Variants in CCDC7 observed in about 807,000 individuals in gnomAD.
CCDC7 encodes coiled-coil domain-containing protein 7.
Under a neutral mutation model 196.9 loss-of-function variants are expected in CCDC7, and 183 were observed. The observed-to-expected ratio is 0.93, with a 90% CI of 0.82 to 1.05. The LOEUF (loss-of-function observed/expected upper bound fraction) is 1.05, where lower values mean the gene tolerates loss of function less well. Among genes scored for constraint, CCDC7 ranks in the 50% least tolerant of loss-of-function variants. The pLI, the probability that CCDC7 is intolerant of heterozygous loss-of-function variation, is 0.00. For synonymous variants in CCDC7, 525 were observed against 484.6 expected, an observed-to-expected ratio of 1.08 and a Z score of -1.10; for missense variants, 1,540 against 1,482.2, an observed-to-expected ratio of 1.04 and a Z score of -0.64.
intron 41 of CCDC7, among the ~76,000 whole-genome samples, chr10:32,874,915 T>G (rs1432173063): frequency 6.6e-6 from 1 of 151,914 alleles, no homozygotes; most frequent in Non-Finnish European, 1.5e-5. Context: ...TCTAGAATTT[T>G]TATGGTTTCA....
At chr10:32,737,672 CT>C (rs2085091669) in intron 28 of CCDC7, among the ~76,000 whole-genome samples, 1 of 152,142 alleles carries the variant, frequency 6.6e-6, no homozygotes, top group Admixed American at 6.6e-5. Flanking sequence ...GCAGTCCCAT[CT>C]GTTTTTGCCT....
chr10:32,692,817 G>C (rs2077239980), intron 23 of CCDC7, among the ~76,000 whole-genome samples: 1 of 152,162 alleles, frequency 6.6e-6, no homozygotes, highest in African/African-American at 2.4e-5. Flanking sequence ...ACTTAGCAAG[G>C]GTCAGATGCA....
chr10:32,777,275 TCACCATTGATGAG>T (rs1461877055), intron 28 of CCDC7, among the ~76,000 whole-genome samples: 3 of 152,210 alleles, frequency 2.0e-5, no homozygotes, highest in Non-Finnish European at 4.4e-5. Flanking sequence ...TATATCCAGT[TCACCATTGATGAG>T]CACCTACGTT....
intron 14 of CCDC7, among the ~76,000 whole-genome samples, chr10:32,566,907 A>G (rs1376583603): frequency 5.4e-5 from 8 of 146,900 alleles, no homozygotes; most frequent in Admixed American, 4.8e-4. Context: ...TTAGCTATGT[A>G]TAATTATATA....
chr10:32,565,850 A>C (rs566659271), intron 14 of CCDC7, among the ~76,000 whole-genome samples: 1 of 152,224 alleles, frequency 6.6e-6, no homozygotes, highest in Non-Finnish European at 1.5e-5. Context: ...TCTTAAGCTA[A>C]TAAAGGCAAT....
intron 29 of CCDC7, among the ~76,000 whole-genome samples, chr10:32,782,369 G>C (rs532126335): frequency 1.3e-5 from 2 of 151,888 alleles, no homozygotes; most frequent in Middle Eastern, 3.2e-3. Context: ...CTGGAATTAC[G>C]GGCACATGCC....
At chr10:32,617,556 A>G in intron 18 of CCDC7, among the ~76,000 whole-genome samples, 1 of 151,898 alleles carries the variant, frequency 6.6e-6, no homozygotes. Flanking sequence ...GTGATCATTC[A>G]GAAGCCTACT....
chr10:32,879,955 T>A (rs540648791), downstream of CCDC7, among the ~76,000 whole-genome samples: 217 of 152,310 alleles, frequency 1.4e-3, 1 homozygote, highest in African/African-American at 5.0e-3. Flanking sequence ...CTACCACTGA[T>A]GGGCATTTGG....
At chr10:32,744,067 A>G (rs1376523439) in intron 28 of CCDC7, among the ~76,000 whole-genome samples, 4 of 151,824 alleles carry the variant, frequency 2.6e-5, no homozygotes, top group Non-Finnish European at 5.9e-5. Context: ...CAGCACATCA[A>G]CATGGCACAT....
At chr10:32,624,719 ACAG>A (rs2063783639) in intron 18 of CCDC7, among the ~76,000 whole-genome samples, 1 of 152,058 alleles carries the variant, frequency 6.6e-6, no homozygotes, top group Non-Finnish European at 1.5e-5. Context: ...GAAAATTTGT[ACAG>A]CAGGTTTTAG....
At chr10:32,709,441 C>T (rs1056950248) in intron 24 of CCDC7, among the ~76,000 whole-genome samples, 1 of 152,076 alleles carries the variant, frequency 6.6e-6, no homozygotes, top group Non-Finnish European at 1.5e-5. Flanking sequence ...GCACGTTATG[C>T]ACATGTACCC....
intron 20 of CCDC7, among the ~76,000 whole-genome samples, chr10:32,638,183 C>A (rs1194738388): frequency 6.6e-6 from 1 of 152,184 alleles, no homozygotes; most frequent in Non-Finnish European, 1.5e-5. Flanking sequence ...CAAACAGGGA[C>A]AATTTGACTT....
intron 11 of CCDC7, among the ~76,000 whole-genome samples, chr10:32,528,057 C>G (rs1193559906): frequency 6.6e-6 from 1 of 152,086 alleles, no homozygotes; most frequent in East Asian, 1.9e-4. Flanking sequence ...CCAAGTCATT[C>G]CTCACTCTAA....
rs771784967 is a variant in CCDC7 at position 32,728,926 on chromosome 10, A to G, written c.2708A>G (p.His903Arg). 3 of 1,609,504 alleles carry G rather than the reference A, an allele frequency of 1.9e-6. No individual in the cohort carries two copies. In the South Asian group the frequency reaches 3.3e-5, roughly 18 times the overall value. Reference sequence around the variant, plus strand: ...CCAAATGAAAATGTGATTTCTGTTCATCAAGATTCAAAGTCAAAACTCCAA... The same window carrying G: ...CCAAATGAAAATGTGATTTCTGTTCGTCAAGATTCAAAGTCAAAACTCCAA... Residue 903 changes from histidine to arginine, a missense_variant, in exon 27 of 42, where the codon CAT becomes CGT. Coordinates refer to ENST00000639629, the Ensembl canonical transcript of CCDC7.
chr10:32,797,136 C>T (rs765226477), intron 29 of CCDC7, among the ~76,000 whole-genome samples: 18 of 151,172 alleles, frequency 1.2e-4, no homozygotes, highest in Non-Finnish European at 2.1e-4. Context: ...CATCAATCAA[C>T]GAGTGGATAA....
intron 18 of CCDC7, among the ~76,000 whole-genome samples, chr10:32,617,763 C>T (rs1167798803): frequency 6.6e-6 from 1 of 151,424 alleles, no homozygotes; most frequent in Non-Finnish European, 1.5e-5. Flanking sequence ...AATGTATATT[C>T]TGTAATTGCT....
chr10:32,660,736 A>G (rs1241032449), intron 20 of CCDC7, among the ~76,000 whole-genome samples: 3 of 151,956 alleles, frequency 2.0e-5, no homozygotes, highest in East Asian at 1.9e-4. Context: ...AGGATTCCCT[A>G]TTTAATAAAT....
intron 25 of CCDC7, among the ~76,000 whole-genome samples, chr10:32,713,961 A>G (rs747834408): frequency 8.5e-5 from 13 of 152,208 alleles, no homozygotes; most frequent in African/African-American, 2.9e-4. Flanking sequence ...CTGGTCAACA[A>G]TCTTATCATC....
chr10:32,723,065 C>G (rs1014560980), intron 25 of CCDC7, among the ~76,000 whole-genome samples: 2 of 152,042 alleles, frequency 1.3e-5, no homozygotes, highest in Non-Finnish European at 2.9e-5. Flanking sequence ...TAATCAGGAT[C>G]CATTACTTCG....
Sources: allele counts gnomAD v4.1 joint callset (sites outside exome capture counted in the v4.1 genomes callset), GRCh38; gene constraint gnomAD v4.1.1; transcripts MANE v1.5; gene names NCBI Gene and HGNC (gene_info 2026-07-23, HGNC 2026-07-21).